WDPCP: variants seen among roughly 807,000 people sequenced by gnomAD.
The protein encoded by WDPCP is WD repeat containing planar cell polarity effector.
In WDPCP, 71 loss-of-function variants were observed where a neutral mutation model predicts 93.1. The ratio of observed to expected loss-of-function variants is 0.76; its 90% confidence interval spans 0.63 to 0.93. The LOEUF is 0.93. WDPCP is among the 40% of genes least tolerant of loss of function. The pLI, the probability that WDPCP is intolerant of heterozygous loss-of-function variation, is 0.00. For synonymous variants in WDPCP, 315 were observed against 315.0 expected, an observed-to-expected ratio of 1.00 and a Z score of 0.00; for missense variants, 844 against 887.4, an observed-to-expected ratio of 0.95 and a Z score of 0.62.
At chr2:63,808,595 C>T (rs1227453474) in intron 2 of WDPCP, among the ~76,000 whole-genome samples, 6 of 152,242 alleles carry the variant, frequency 3.9e-5, no homozygotes, top group East Asian at 1.9e-4. Context: ...CCACCAGCCT[C>T]GGCCTCCCGA....
At chr2:63,831,627 T>C (rs1260718088), upstream of WDPCP, among the ~76,000 whole-genome samples, 2 of 152,170 alleles carry the variant, frequency 1.3e-5, no homozygotes, top group African/African-American at 4.8e-5. Flanking sequence ...TAAATAGTTT[T>C]TAAATGTTTA....
intron 2 of WDPCP, among the ~76,000 whole-genome samples, chr2:63,669,358 AT>A (rs1419665696): frequency 2.3e-4 from 18 of 76,654 alleles, no homozygotes; most frequent in South Asian, 6.2e-4. Flanking sequence ...TTTTTATTTT[AT>A]TTTATTTTAT....
intron 6 of WDPCP, among the ~76,000 whole-genome samples, chr2:63,444,550 G>A (rs1697719862): frequency 6.6e-6 from 1 of 152,124 alleles, no homozygotes; most frequent in African/African-American, 2.4e-5. Flanking sequence ...AGATTTGGTA[G>A]GACAAAAAGG....
Position 63,458,257 on chromosome 2 carries a change from G to A in WDPCP, c.385-18386C>T, listed in dbSNP as rs553846367. On this transcript the variant is annotated intron_variant, in intron 6 of 17. Transcript: ENST00000272321. ...AAAAAAAAAAAAATCAAAGGCATTC[G>A]AATTGGAAAACAGAATTTCAAACTG... 9.0e-5 allele frequency among the ~76,000 whole-genome samples: 13 copies of A among 144,596 alleles called. No individual in the cohort carries two copies. In the South Asian group the frequency reaches 1.9e-3, roughly 22 times the overall value. 94.9% of individuals were successfully genotyped at this position (144,596 alleles called of 152,430 possible). A position where few individuals can be genotyped will look rare whatever the true frequency, so the allele number is the denominator to read the frequency against.
intron 6 of WDPCP, among the ~76,000 whole-genome samples, chr2:63,444,557 A>G (rs536845124): frequency 6.6e-6 from 1 of 152,310 alleles, no homozygotes; most frequent in South Asian, 2.1e-4. Flanking sequence ...GTAGGACAAA[A>G]AGGAAAAAGA....
At chr2:63,309,334 C>G (rs946324201) in intron 13 of WDPCP, among the ~76,000 whole-genome samples, 4 of 152,060 alleles carry the variant, frequency 2.6e-5, no homozygotes, top group Admixed American at 1.3e-4. Flanking sequence ...ATTTATGTAC[C>G]TAATACCGTA....
At chr2:63,771,187 T>C (rs1167069936) in intron 2 of WDPCP, among the ~76,000 whole-genome samples, 1 of 151,532 alleles carries the variant, frequency 6.6e-6, no homozygotes, top group East Asian at 1.9e-4. Context: ...AATAAAGGCA[T>C]GAATCTCTAA....
intron 1 of WDPCP, among the ~76,000 whole-genome samples, chr2:63,556,169 T>C (rs1018829225): frequency 2.0e-5 from 3 of 152,180 alleles, no homozygotes; most frequent in Non-Finnish European, 4.4e-5. Context: ...CTGATGGAGC[T>C]GAAAAACGTA....
chr2:63,725,934 G>T (rs954109903), intron 2 of WDPCP, among the ~76,000 whole-genome samples: 4 of 151,978 alleles, frequency 2.6e-5, no homozygotes, highest in Non-Finnish European at 5.9e-5. Flanking sequence ...ATAGATTCTG[G>T]ATATTAGACC....
intron 2 of WDPCP, among the ~76,000 whole-genome samples, chr2:63,723,861 G>T (rs1010038950): frequency 6.6e-6 from 1 of 152,094 alleles, no homozygotes; most frequent in East Asian, 1.9e-4. Context: ...CGACATCCAG[G>T]ACATTGACTT....
chr2:63,655,997 A>G (rs1426937992), intron 2 of WDPCP, among the ~76,000 whole-genome samples: 1 of 152,204 alleles, frequency 6.6e-6, no homozygotes, highest in East Asian at 1.9e-4. Context: ...ACCCTTTAAT[A>G]TAAATTAATC....
At chr2:63,354,736 G>A (rs557281377) in intron 12 of WDPCP, among the ~76,000 whole-genome samples, 59 of 149,378 alleles carry the variant, frequency 3.9e-4, no homozygotes, top group East Asian at 2.5e-3. Flanking sequence ...GTGTGTGTGT[G>A]TATATGTATA....
chr2:63,350,476 C>CA (rs33962210), intron 12 of WDPCP, among the ~76,000 whole-genome samples: 1,841 of 144,052 alleles, frequency 0.013, 18 homozygotes, highest in Non-Finnish European at 0.019. Context: ...CAACGAAACC[C>CA]AAAAAAAAAA....
chr2:63,409,715 C>G (rs1449029228), intron 9 of WDPCP, among the ~76,000 whole-genome samples: 1 of 151,974 alleles, frequency 6.6e-6, no homozygotes, highest in Non-Finnish European at 1.5e-5. Context: ...GTGAAAAATT[C>G]AGGAAACATT....
intron 3 of WDPCP, chr2:63,594,896 A>T (rs1709274901): frequency 3.5e-6 from 1 of 284,674 alleles, no homozygotes; most frequent in Non-Finnish European, 6.7e-6. Context: ...AGAGTTACTC[A>T]GTAAGCACTC....
At chr2:63,500,454 G>GGTGTGTGT (rs35916043) in intron 1 of WDPCP, among the ~76,000 whole-genome samples, 5,958 of 149,446 alleles carry the variant, frequency 0.04, 164 homozygotes, top group Admixed American at 0.066. Flanking sequence ...ATGGTGTGGG[G>GGTGTGTGT]GTGTGTGTGT....
chr2:63,308,452 A>T (rs1685919445), intron 13 of WDPCP, among the ~76,000 whole-genome samples: 3 of 152,244 alleles, frequency 2.0e-5, no homozygotes, highest in African/African-American at 7.2e-5. Flanking sequence ...ACGTATGTTT[A>T]TTGTAGCAGT....
At chr2:63,678,834 G>C (rs977434628) in intron 2 of WDPCP, among the ~76,000 whole-genome samples, 2 of 152,194 alleles carry the variant, frequency 1.3e-5, no homozygotes, top group Non-Finnish European at 2.9e-5. Context: ...GCCTGATGTA[G>C]AGCATGCACA....
chr2:63,595,838 C>T (rs562714556), intron 3 of WDPCP, among the ~76,000 whole-genome samples: 3 of 152,100 alleles, frequency 2.0e-5, no homozygotes, highest in African/African-American at 7.2e-5. Flanking sequence ...TTATAGACAA[C>T]GTAGGAATTG....
Sources: gnomAD v4.1 joint callset for allele counts (sites outside exome capture counted in the v4.1 genomes callset) on GRCh38, gnomAD v4.1.1 for gene constraint, MANE v1.5 for transcripts, NCBI Gene and HGNC (gene_info 2026-07-23, HGNC 2026-07-21) for gene names.